Variants in KIF26B observed in about 807,000 individuals in gnomAD.
KIF26B encodes kinesin-like protein KIF26B.
Under a neutral mutation model 151.2 loss-of-function variants are expected in KIF26B, and 63 were observed. That is an observed-to-expected ratio of 0.42 (90% CI 0.34 to 0.51). The LOEUF is 0.51. KIF26B is among the 20% of genes least tolerant of loss of function. KIF26B has a pLI of 0.07. For synonymous variants in KIF26B, 1,357 were observed against 1,262.1 expected, an observed-to-expected ratio of 1.08 and a Z score of -1.59; for missense variants, 2,813 against 2,913.6, an observed-to-expected ratio of 0.97 and a Z score of 0.79.
At chr1:245,556,328 C>CCTTCTT (rs1415831874) in intron 5 of KIF26B, among the ~76,000 whole-genome samples, 87 of 123,466 alleles carry the variant, frequency 7.0e-4, no homozygotes, top group African/African-American at 2.5e-3. Flanking sequence ...TCTTCTTCCT[C>CCTTCTT]CTTCTTCCTC....
At chr1:245,448,387 T>C (rs1192114830) in intron 4 of KIF26B, among the ~76,000 whole-genome samples, 1 of 152,100 alleles carries the variant, frequency 6.6e-6, no homozygotes, top group Non-Finnish European at 1.5e-5. Flanking sequence ...TTTTTATTTT[T>C]TTGGTAGAGA....
intron 6 of KIF26B, among the ~76,000 whole-genome samples, chr1:245,605,092 G>A (rs766452894): frequency 2.3e-4 from 35 of 152,144 alleles, no homozygotes; most frequent in Non-Finnish European, 4.1e-4. Context: ...GGCCTCAGGC[G>A]AGTCACTCAA....
chr1:245,405,194 TC>T (rs1425026148), intron 3 of KIF26B, among the ~76,000 whole-genome samples: 1 of 152,220 alleles, frequency 6.6e-6, no homozygotes, highest in Non-Finnish European at 1.5e-5. Context: ...GACAAGCTGT[TC>T]TTTGAATTCT....
chr1:245,580,613 G>T (rs1339326074), intron 5 of KIF26B, among the ~76,000 whole-genome samples: 2 of 152,204 alleles, frequency 1.3e-5, no homozygotes, highest in African/African-American at 2.4e-5. Flanking sequence ...GGGTTCTGCT[G>T]ATGCAGTCCA....
chr1:245,203,719 G>A (rs999927314), intron 2 of KIF26B, among the ~76,000 whole-genome samples: 8 of 151,114 alleles, frequency 5.3e-5, no homozygotes, highest in South Asian at 2.1e-4. Flanking sequence ...TGGAGGTGCC[G>A]CATGAAAGCG....
At chr1:245,276,088 T>A (rs926178003) in intron 2 of KIF26B, among the ~76,000 whole-genome samples, 15 of 152,106 alleles carry the variant, frequency 9.9e-5, no homozygotes, top group African/African-American at 3.4e-4. Flanking sequence ...ATGCCTGTAA[T>A]CCCAGCACTC....
intron 10 of KIF26B, among the ~76,000 whole-genome samples, chr1:245,672,524 C>CTGTA (rs2044300942): frequency 6.6e-6 from 1 of 152,214 alleles, no homozygotes. Context: ...GAAGGTTACC[C>CTGTA]TGTAACACAA....
chr1:245,626,135 G>A (rs2043721648), intron 9 of KIF26B, among the ~76,000 whole-genome samples: 1 of 152,060 alleles, frequency 6.6e-6, no homozygotes, highest in Admixed American at 6.6e-5. Flanking sequence ...ATCCATTGTT[G>A]GACACTTAGG....
intron 4 of KIF26B, among the ~76,000 whole-genome samples, chr1:245,420,625 G>A (rs894375266): frequency 4.6e-5 from 7 of 152,228 alleles, no homozygotes; most frequent in South Asian, 2.1e-4. Flanking sequence ...CATCAGATAC[G>A]AAATCACAAG....
intron 2 of KIF26B, among the ~76,000 whole-genome samples, chr1:245,337,577 T>C (rs2102994317): frequency 6.6e-6 from 1 of 152,076 alleles, no homozygotes; most frequent in Non-Finnish European, 1.5e-5. Flanking sequence ...TGAGTATATG[T>C]GTTTTGGTTT....
chr1:245,593,113 G>A (rs1399642959), intron 5 of KIF26B, among the ~76,000 whole-genome samples: 1 of 152,148 alleles, frequency 6.6e-6, no homozygotes, highest in Non-Finnish European at 1.5e-5. Flanking sequence ...TTAGATCACT[G>A]ATGGAAATTT....
intron 3 of KIF26B, among the ~76,000 whole-genome samples, chr1:245,401,594 C>T (rs998820424): frequency 1.3e-5 from 2 of 152,198 alleles, no homozygotes; most frequent in South Asian, 2.1e-4. Flanking sequence ...GCAGGCTGGG[C>T]GCGGTGGCTC....
At chr1:245,296,408 G>C (rs1378279766) in intron 2 of KIF26B, among the ~76,000 whole-genome samples, 1 of 152,002 alleles carries the variant, frequency 6.6e-6, no homozygotes, top group Non-Finnish European at 1.5e-5. Context: ...CAGAACCAGA[G>C]GCAAGCAGAA....
intron 2 of KIF26B, among the ~76,000 whole-genome samples, chr1:245,179,658 T>C (rs985414384): frequency 6.6e-6 from 1 of 151,952 alleles, no homozygotes; most frequent in Admixed American, 6.6e-5. Context: ...GACCCCAACA[T>C]TGGTCGTGAG....
chr1:245,463,189 C>T (rs1773793), intron 4 of KIF26B, among the ~76,000 whole-genome samples: 2 of 152,210 alleles, frequency 1.3e-5, no homozygotes, highest in African/African-American at 4.8e-5. Context: ...CCCGGCCGCC[C>T]TTCAGCCGTG....
chr1:245,464,507 G>A (rs988234864), intron 4 of KIF26B, among the ~76,000 whole-genome samples: 3 of 150,888 alleles, frequency 2.0e-5, no homozygotes, highest in Non-Finnish European at 4.4e-5. Context: ...GTGGGCGTGT[G>A]CATGTGTGGA....
At chr1:245,203,981 C>A (rs929176153) in intron 2 of KIF26B, among the ~76,000 whole-genome samples, 2 of 152,208 alleles carry the variant, frequency 1.3e-5, no homozygotes, top group Non-Finnish European at 2.9e-5. Flanking sequence ...TAATTAGGAA[C>A]TAGGTCCAGT....
intron 5 of KIF26B, among the ~76,000 whole-genome samples, chr1:245,591,889 C>T (rs1409294727): frequency 1.3e-5 from 2 of 152,106 alleles, no homozygotes; most frequent in East Asian, 3.9e-4. Flanking sequence ...GGGGACCTGG[C>T]CCCCCAAGCC....
intron 2 of KIF26B, among the ~76,000 whole-genome samples, chr1:245,178,296 C>T (rs1276135048): frequency 6.6e-6 from 1 of 152,116 alleles, no homozygotes. Flanking sequence ...TTGGAGCTGT[C>T]ATCGTGGGTT....
Sources: allele counts gnomAD v4.1 joint callset (sites outside exome capture counted in the v4.1 genomes callset), GRCh38; gene constraint gnomAD v4.1.1; transcripts MANE v1.5; gene names NCBI Gene and HGNC (gene_info 2026-07-23, HGNC 2026-07-21).